Variants in STARD9 observed in about 807,000 individuals in gnomAD.
STARD9 encodes StAR related lipid transfer domain containing 9.
Under a neutral mutation model 399.8 loss-of-function variants are expected in STARD9, and 346 were observed. The observed-to-expected ratio is 0.87, with a 90% confidence interval of 0.79 to 0.95. The LOEUF (loss-of-function observed/expected upper bound fraction) is 0.95. STARD9 is among the 40% of genes least tolerant of loss of function. The pLI is 0.00. For missense variants in STARD9, 5,832 were observed against 5,667.5 expected (o/e 1.03, Z -0.93); for synonymous variants, 2,203 against 2,143.5 (o/e 1.03, Z -0.77).
chr15:42,615,733 T>C (rs2141831109), intron 3 of STARD9, among the ~76,000 whole-genome samples: 1 of 150,686 alleles, frequency 6.6e-6, no homozygotes, highest in Admixed American at 6.6e-5. Flanking sequence ...AAAAAGGAGA[T>C]AAAGCGTTCC....
At chr15:42,630,155 C>A (rs1411158000) in intron 3 of STARD9, 1 of 152,000 alleles carries the variant, frequency 6.6e-6, no homozygotes, top group East Asian at 1.9e-4. Flanking sequence ...AGGTGCGTGC[C>A]ACTACACTCA....
At chr15:42,598,177 G>T (rs1428183448) in intron 3 of STARD9, among the ~76,000 whole-genome samples, 1 of 151,516 alleles carries the variant, frequency 6.6e-6, no homozygotes, top group Non-Finnish European at 1.5e-5. Flanking sequence ...GACTACAGGC[G>T]CCTGCCACCA....
chr15:42,696,323 A>T (rs1032347987), intron 26 of STARD9, among the ~76,000 whole-genome samples: 7 of 152,348 alleles, frequency 4.6e-5, no homozygotes, highest in Admixed American at 1.3e-4. Context: ...AGAGGTAGTT[A>T]ATGCAGTAAA....
chr15:42,688,377 G>C lies in STARD9; in HGVS notation c.6799G>C (p.Glu2267Gln). ...TGAACACGTAAGTAGTTCCAACCAA[G>C]AAGAGCCAAAAGCTCAAGGTAAAGT... is the stretch of plus-strand genomic sequence containing the variant. Reference protein sequence around the residue: ...VAEHVSSSNQEEPKAQGKVEE... With the variant: ...VAEHVSSSNQQEPKAQGKVEE... Residue 2267 changes from glutamate to glutamine, a missense_variant, in exon 23 of 33, where the codon GAA (glutamate) becomes CAA (glutamine). Coordinates refer to ENST00000290607, the MANE Select transcript of STARD9 (RefSeq NM_020759.3). The C allele has an allele frequency of 1.3e-6, 2 of 1,537,446 alleles. No homozygotes were observed. Among genetic ancestry groups the C allele is most frequent in the Non-Finnish European group, 1.7e-6 (2 of 1,146,972 alleles).
At chr15:42,666,761 C>G (rs1051143304) in intron 15 of STARD9, among the ~76,000 whole-genome samples, 1 of 152,086 alleles carries the variant, frequency 6.6e-6, no homozygotes, top group African/African-American at 2.4e-5. Flanking sequence ...AGGGCAAGGA[C>G]AAGACATTTT....
In STARD9 at chr15:42,689,253, A is replaced by G; in HGVS notation, c.7675A>G (p.Lys2559Glu). The G allele has an allele frequency of 6.5e-7, 1 of 1,537,272 alleles. No individual in the cohort carries two copies. The highest frequency in any genetic ancestry group is 8.7e-7 in the Non-Finnish European group (1 of 1,146,912). The change falls in exon 23 of 33, where the codon AAG becomes GAG. Residue 2559 changes from lysine (K) to glutamate (E), a missense_variant. Physicochemically the swap from Lys to Glu is moderately conservative, Grantham distance 56. Coordinates refer to ENST00000290607, the MANE Select transcript of STARD9 (RefSeq NM_020759.3). The stretch of plus-strand genomic sequence containing the variant: ...CATCTTGGAGGAGATCAGACAGGCA[A>G]AGGCCCAGAGAAAGCAGCTTCATGA... Reference protein sequence around the residue: ...LAILEEIRQAKAQRKQLHDFV... With the variant: ...LAILEEIRQAEAQRKQLHDFV...
intron 3 of STARD9, among the ~76,000 whole-genome samples, chr15:42,591,925 A>C (rs952915336): frequency 6.6e-6 from 1 of 152,208 alleles, no homozygotes; most frequent in Non-Finnish European, 1.5e-5. Context: ...CATTTTGTAG[A>C]TAAGGAAACT....
At chr15:42,604,299 A>AT (rs1009529608) in intron 3 of STARD9, among the ~76,000 whole-genome samples, 11 of 152,028 alleles carry the variant, frequency 7.2e-5, no homozygotes, top group Non-Finnish European at 1.3e-4. Context: ...ATCAAATTTG[A>AT]TTTTTTTATT....
chr15:42,588,791 T>TG (rs2058334525), intron 3 of STARD9, among the ~76,000 whole-genome samples: 1 of 22,304 alleles, frequency 4.5e-5, no homozygotes. Context: ...TTTTTTTTTT[T>TG]TTTTTTTTTT....
intron 3 of STARD9, among the ~76,000 whole-genome samples, chr15:42,602,699 A>C (rs1048521493): frequency 2.6e-5 from 4 of 152,214 alleles, no homozygotes; most frequent in African/African-American, 9.6e-5. Flanking sequence ...CTGCTGTGCA[A>C]ACAGAGGTTA....
In STARD9 at chr15:42,719,015, C is replaced by G. The variant is rs1433215496; in HGVS notation, c.14001+105C>G. On this transcript the variant is annotated intron_variant, in intron 32 of 32. Transcript: ENST00000290607. ...TTGAACACCCTCCAGTGCCCAGGCC[C>G]TTTGGCCTGAGACCTGGAGACTTGA... 15 of 1,088,168 alleles carry G rather than the reference C, an allele frequency of 1.4e-5. No homozygotes were observed. In the East Asian group the frequency reaches 3.9e-4, roughly 28 times the overall value. The allele number at this position is 1,088,168 out of a possible 1,614,324, so 67.4% of individuals were successfully genotyped here.
Position 42,693,701 on chromosome 15 carries a change from T to C in STARD9, c.12123T>C (p.His4041=). ...CTGAGAAGGTGGCTTCCCCGGAGCA[T>C]TGCCCACTGAGCGGTAGGGAGCCAA... is the stretch of plus-strand genomic sequence containing the variant. ...FVPEKVASPE[H]CPLSGREPSQ... is the part of the protein sequence containing the mutation. The change falls in exon 23 of 33, where the codon CAT becomes CAC. Residue 4041 remains histidine, a synonymous_variant. Coordinates refer to ENST00000290607, the MANE Select transcript of STARD9 (RefSeq NM_020759.3). The C allele has an allele frequency of 1.3e-6, 2 of 1,537,100 alleles. No individual in the cohort carries two copies. The highest frequency in any genetic ancestry group is 1.7e-6 in the Non-Finnish European group (2 of 1,146,910).
At chr15:42,639,536 C>T (rs781157823) in intron 7 of STARD9, among the ~76,000 whole-genome samples, 3 of 152,076 alleles carry the variant, frequency 2.0e-5, no homozygotes, top group Non-Finnish European at 2.9e-5. Flanking sequence ...CTTTTATAGG[C>T]GAAGTTTTTA....
At chr15:42,599,921 G>A (rs1261462579) in intron 3 of STARD9, among the ~76,000 whole-genome samples, 1 of 152,186 alleles carries the variant, frequency 6.6e-6, no homozygotes, top group Non-Finnish European at 1.5e-5. Flanking sequence ...CTTAGAGTAA[G>A]TACTTAAGGA....
chr15:42,681,503 G>A lies in STARD9; in HGVS notation c.1956G>A (p.Gln652=), dbSNP rs760673116. 5 of 1,537,210 alleles carry A rather than the reference G, an allele frequency of 3.3e-6. No homozygotes were observed. Among genetic ancestry groups the A allele is most frequent in the Middle Eastern group, 1.7e-4 (1 of 5,990 alleles). Residue 652 remains glutamine (Q), a synonymous_variant, in exon 21 of 33, where the codon CAG becomes CAA. Coordinates refer to ENST00000290607, the MANE Select transcript of STARD9 (RefSeq NM_020759.3). The stretch of plus-strand genomic sequence containing the variant: ...CATCCCACAGGGCCCAGATTCAGCA[G>A]CAGCAGAGCTACGTAGAGGATTTGA... ...GETSHRAQIQ[Q]QQSYVEDLRH...
At position 42,638,118 on chromosome 15, in the gene STARD9, G is replaced by A. The variant is rs1161239277; in HGVS notation, c.446+31G>A. 1.0e-5 allele frequency: 16 copies of A among 1,526,030 alleles called. No homozygotes were observed. In the Admixed American group the frequency reaches 2.6e-4, roughly 24 times the overall value. The allele number at this position is 1,526,030 out of a possible 1,614,324, so 94.5% of individuals were successfully genotyped here. On this transcript the variant is annotated intron_variant, in intron 6 of 32. Transcript: ENST00000290607. ...AACCTCCCAAGCTCTGGGACCTACA[G>A]TAGTTCTTCTTCTACTCCAAATTCT... is the stretch of plus-strand genomic sequence containing the variant.
rs536731548 is a variant in STARD9, at chr15:42,692,884, C to G, written c.11306C>G (p.Ser3769Trp). ...VILEGLGSDT[S>W]TVSQEEGDVP... is the part of the protein sequence containing the mutation. Reference sequence around the variant, plus strand: ...CTTGAAGGGCTAGGCTCAGATACCTCGACTGTGTCTCAAGAAGAGGGAGAT... The same window carrying G: ...CTTGAAGGGCTAGGCTCAGATACCTGGACTGTGTCTCAAGAAGAGGGAGAT... Residue 3769 changes from serine (S) to tryptophan (W), a missense_variant, in exon 23 of 33, where the codon TCG (serine) becomes TGG (tryptophan). Coordinates refer to ENST00000290607, the MANE Select transcript of STARD9 (RefSeq NM_020759.3). The G allele has an allele frequency of 1.2e-5, 19 of 1,537,212 alleles. No homozygotes were observed. The East Asian group carries it at 4.4e-4, about 36-fold the overall frequency.
intron 3 of STARD9, among the ~76,000 whole-genome samples, chr15:42,631,127 G>A (rs919869885): frequency 6.6e-6 from 1 of 151,788 alleles, no homozygotes; most frequent in African/African-American, 2.4e-5. Context: ...TTACAGACAT[G>A]GACCACCATG....
At chr15:42,607,676 A>ACACG (rs1169292741) in intron 3 of STARD9, among the ~76,000 whole-genome samples, 1 of 151,394 alleles carries the variant, frequency 6.6e-6, no homozygotes, top group African/African-American at 2.4e-5. Flanking sequence ...ACACACACAC[A>ACACG]CACACACACA....
Sources: gnomAD v4.1 joint callset for allele counts (sites outside exome capture counted in the v4.1 genomes callset) on GRCh38, gnomAD v4.1.1 for gene constraint, MANE v1.5 for transcripts, NCBI Gene and HGNC (gene_info 2026-07-23, HGNC 2026-07-21) for gene names.